Variants in IFT140 observed in about 807,000 individuals in gnomAD.
IFT140 encodes the protein intraflagellar transport protein 140 homolog.
IFT140 carries 133 observed loss-of-function variants against 164.6 expected under a neutral mutation model. That is an observed-to-expected ratio of 0.81 (90% CI 0.70 to 0.93). The LOEUF is 0.93. Among genes scored for constraint, IFT140 ranks in the 40% least tolerant of loss-of-function variants. The pLI, the probability that IFT140 is intolerant of heterozygous loss-of-function variation, is 0.00. For missense variants in IFT140, 2,045 were observed against 1,972.3 expected (o/e 1.04, Z -0.70); for synonymous variants, 860 against 817.3 (o/e 1.05, Z -0.89).
chr16:1,593,897 G>A (rs1238492016), intron 4 of IFT140, among the ~76,000 whole-genome samples: 1 of 152,166 alleles, frequency 6.6e-6, no homozygotes, highest in Admixed American at 6.5e-5. Flanking sequence ...CTGTACTTGA[G>A]GAGTGGGAGA....
chr16:1,548,078 T>C (rs1304579768), intron 19 of IFT140, among the ~76,000 whole-genome samples: 4 of 152,222 alleles, frequency 2.6e-5, no homozygotes, highest in African/African-American at 7.2e-5. Flanking sequence ...TGTTGAGAGC[T>C]TCGGAGCCTC....
At chr16:1,513,735 G>A (rs1227110188) in intron 30 of IFT140, among the ~76,000 whole-genome samples, 3 of 149,874 alleles carry the variant, frequency 2.0e-5, no homozygotes, top group Non-Finnish European at 3.0e-5. Flanking sequence ...GTGCAGTGGT[G>A]CGATCTCTGC....
intron 3 of IFT140, among the ~76,000 whole-genome samples, chr16:1,602,901 C>G (rs1367367620): frequency 5.3e-5 from 8 of 152,156 alleles, no homozygotes; most frequent in Non-Finnish European, 1.2e-4. Context: ...GATCGCACCA[C>G]TGCACTCCAG....
Position 1,558,056 on chromosome 16 carries a change from G to T in IFT140, c.2278C>A (p.Arg760=). ...IPQMVSRRPL[R]DFVGLEDCDK... ...CAGTCCTCCAGCCCCACAAAGTCTC[G>T]CAGGGGTCTCCTGGACACCATCTGA... The change falls in exon 19 of 31, where the codon CGA becomes AGA. Residue 760 remains arginine, a synonymous_variant. Transcript: ENST00000426508. 1 of 1,614,058 alleles carries T rather than the reference G, an allele frequency of 6.2e-7. No individual in the cohort carries two copies. Among genetic ancestry groups the T allele is most frequent in the Non-Finnish European group, 8.5e-7 (1 of 1,180,022 alleles).
At chr16:1,512,466 TTTC>T (rs1286249557) in intron 30 of IFT140, among the ~76,000 whole-genome samples, 6 of 152,158 alleles carry the variant, frequency 3.9e-5, no homozygotes, top group African/African-American at 1.4e-4. Context: ...CGCTTCCCAG[TTTC>T]TTTTTTCTTT....
Position 1,525,319 on chromosome 16 carries a change from T to A in IFT140, c.2776A>T (p.Lys926Ter). ...ACCTCGAAGCGGTGCGTGTCCGACT[T>A]CTCGTAGCTGTGAGAGAAGGAGACA... ...DCSRALSYYE[K>*]SDTHRFEVPR... Residue 926 changes from lysine to a stop codon, truncating the protein, a stop_gained, in exon 22 of 31, where the codon AAG (lysine) becomes TAG (stop). Coordinates refer to ENST00000426508, the MANE Select transcript of IFT140 (RefSeq NM_014714.4). LOFTEE classifies it high-confidence loss of function. 6.2e-7 allele frequency: 1 copy of A among 1,611,488 alleles called. No individual in the cohort carries two copies. Among genetic ancestry groups the A allele is most frequent in the Non-Finnish European group, 8.5e-7 (1 of 1,179,556 alleles).
Position 1,553,232 on chromosome 16 carries a change from C to T in IFT140, c.2399+4703G>A. 5.1e-6 allele frequency: 5 copies of T among 978,762 alleles called. No homozygotes were observed. The highest frequency in any genetic ancestry group is 6.1e-6 in the Non-Finnish European group (5 of 824,552). The allele number at this position is 978,762 out of a possible 1,614,324, so 60.6% of individuals were successfully genotyped here. A position where few individuals can be genotyped will look rare whatever the true frequency, so the allele number is the denominator to read the frequency against. On this transcript the variant is annotated intron_variant, in intron 19 of 30. Coordinates refer to ENST00000426508, the MANE Select transcript of IFT140 (RefSeq NM_014714.4). This position sits in a 1 kb window ranked among gnomAD's most constrained non-coding sequence, Gnocchi z 4.4. ...TCTGTCTCTCTCTGTCTCCATCTGT[C>T]TCTGTGTCTGTCTCTGTCTCTCTGT...
chr16:1,581,743 A>AGGGGAGGGGAGCGGGGGGT (rs2034572096), intron 12 of IFT140, among the ~76,000 whole-genome samples: 1 of 53,192 alleles, frequency 1.9e-5, no homozygotes, highest in African/African-American at 7.7e-5. Context: ...GGAGCGGGGG[A>AGGGGAGGGGAGCGGGGGGT]GGGGAGGGGA....
At position 1,562,065 on chromosome 16, in the gene IFT140, G is replaced by GGGGGAAGCTCTCATGAAA; in HGVS notation, c.2118_2119insTTTCATGAGAGCTTCCCC (p.Leu706_Leu707insPheHisGluSerPhePro). 6.2e-7 allele frequency: 1 copy of GGGGGAAGCTCTCATGAAA among 1,612,216 alleles called. No individual in the cohort carries two copies. The highest frequency in any genetic ancestry group is 8.5e-7 in the Non-Finnish European group (1 of 1,179,160). ...GCAGGCCGGGGGAAGCTCTCATGAA[G>GGGGGAAGCTCTCATGAAA]CAGGAAGCCGTGCTCTTCGGAAATG... On this transcript the variant is annotated inframe_insertion, in exon 18 of 31. Transcript: ENST00000426508.
At chr16:1,529,320 T>C (rs924274362) in intron 19 of IFT140, among the ~76,000 whole-genome samples, 1 of 152,112 alleles carries the variant, frequency 6.6e-6, no homozygotes. Flanking sequence ...GTGCCAAGCG[T>C]CTGGGGGGCC....
chr16:1,528,400 TGC>T (rs2030013414), intron 19 of IFT140, among the ~76,000 whole-genome samples: 1 of 145,064 alleles, frequency 6.9e-6, no homozygotes, highest in Admixed American at 6.8e-5. Context: ...CACACACGGA[TGC>T]ACACACATGG....
chr16:1,552,435 C>A (rs1482882974), intron 19 of IFT140, among the ~76,000 whole-genome samples: 1 of 152,088 alleles, frequency 6.6e-6, no homozygotes, highest in Non-Finnish European at 1.5e-5. Context: ...GACACCAGCA[C>A]AACCCACACC....
At chr16:1,601,373 T>C (rs146984591) in intron 4 of IFT140, among the ~76,000 whole-genome samples, 98 of 152,196 alleles carry the variant, frequency 6.4e-4, no homozygotes, top group Middle Eastern at 3.4e-3. Flanking sequence ...TGGAGAAATG[T>C]GAACATAAAC....
At chr16:1,532,020 G>A (rs1263689396) in intron 19 of IFT140, 1 of 152,226 alleles carries the variant, frequency 6.6e-6, no homozygotes, top group African/African-American at 2.4e-5. Flanking sequence ...GGAAACTTTT[G>A]GGAGACTTCC....
chr16:1,553,338 T>C lies in IFT140; in HGVS notation c.2399+4597A>G. The stretch of plus-strand genomic sequence containing the variant: ...TCTGTGTCTCTGTCCCTGTGTCTCT[T>C]TTTCTCCCATCCTCTCTCGATGCTG... On this transcript the variant is annotated intron_variant, in intron 19 of 30. Coordinates refer to ENST00000426508, the MANE Select transcript of IFT140 (RefSeq NM_014714.4). The surrounding 1 kb of genome is among the most constrained non-coding windows in gnomAD (Gnocchi z 4.4). 1 of 985,388 alleles carries C rather than the reference T, an allele frequency of 1.0e-6. No homozygotes were observed. Among genetic ancestry groups the C allele is most frequent in the Non-Finnish European group, 1.2e-6 (1 of 829,934 alleles). The allele number at this position is 985,388 out of a possible 1,614,324, so 61.0% of individuals were successfully genotyped here.
chr16:1,573,042 TA>T (rs1298163446), intron 13 of IFT140, among the ~76,000 whole-genome samples: 2 of 152,082 alleles, frequency 1.3e-5, no homozygotes, highest in African/African-American at 2.4e-5. Context: ...CACGGAAATC[TA>T]AACACAGACT....
At chr16:1,524,991 G>T (rs2040641328) in intron 22 of IFT140, 75 bp from the exon 23 acceptor site, 2 of 1,543,852 alleles carry the variant, frequency 1.3e-6, no homozygotes, top group Middle Eastern at 2.3e-4. Flanking sequence ...CCCCGCCCCT[G>T]TGCCACCCTT....
chr16:1,596,641 A>G (rs1158395313), intron 4 of IFT140, among the ~76,000 whole-genome samples: 1 of 152,210 alleles, frequency 6.6e-6, no homozygotes, highest in Non-Finnish European at 1.5e-5. Flanking sequence ...CCACCAACTC[A>G]GGGGAAAGGA....
rs779329034 is a variant in IFT140 at position 1,542,118 on chromosome 16, T to C, written c.2400-15322A>G. ...GTGTGGCCACCGCGCCCTTGCCCCC[T>C]GTGGCCTTCTGGTGCCACAGGAGGG... On this transcript the variant is annotated intron_variant, in intron 19 of 30. Transcript: ENST00000426508. 3.7e-5 allele frequency: 57 copies of C among 1,523,516 alleles called. No homozygotes were observed. In the Middle Eastern group the frequency reaches 5.2e-4, roughly 14 times the overall value. 94.4% of individuals were successfully genotyped at this position (1,523,516 alleles called of 1,614,324 possible).
Sources: allele counts gnomAD v4.1 joint callset (sites outside exome capture counted in the v4.1 genomes callset), GRCh38; gene constraint gnomAD v4.1.1; non-coding constraint Gnocchi (gnomAD v3.1); transcripts MANE v1.5; gene names NCBI Gene and HGNC (gene_info 2026-07-23, HGNC 2026-07-21).